Variants in JAKMIP1 observed in about 807,000 individuals in gnomAD.
The protein encoded by JAKMIP1 is janus kinase and microtubule interacting protein 1.
JAKMIP1 carries 33 observed loss-of-function variants against 113.0 expected under a neutral mutation model. The observed-to-expected ratio is 0.29, with a 90% CI of 0.22 to 0.39. The LOEUF (loss-of-function observed/expected upper bound fraction) is 0.39, where lower values mean the gene tolerates loss of function less well. Ranked by LOEUF, JAKMIP1 falls within the 10% of genes least tolerant of loss-of-function variation. The pLI is 1.00. For missense variants in JAKMIP1, 813 were observed against 1,080.5 expected (o/e 0.75, Z 3.47); for synonymous variants, 480 against 459.9 (o/e 1.04, Z -0.56).
rs115028628 is a variant in JAKMIP1 at position 6,040,513 on chromosome 4, T to C, written c.2175+126A>G. ...GGTCATTCCAGTCACAAGGTGGAGA[T>C]GGCATTTTTATCACTCCTGTTTGGC... On this transcript the variant is annotated intron_variant, in intron 18 of 20. Transcript: ENST00000409021. This position sits in a 1 kb window ranked among gnomAD's most constrained non-coding sequence, Gnocchi z 5.8. 5 of 724,176 alleles carry C rather than the reference T, an allele frequency of 6.9e-6. No homozygotes were observed. Among genetic ancestry groups the C allele is most frequent in the African/African-American group, 1.7e-5 (1 of 57,478 alleles). 44.9% of individuals were successfully genotyped at this position (724,176 alleles called of 1,614,324 possible). A position where few individuals can be genotyped will look rare whatever the true frequency, so the allele number is the denominator to read the frequency against.
rs1450837582 is a variant in JAKMIP1, at chr4:6,194,462, AG to A, written c.-148+5790del. The stretch of plus-strand genomic sequence containing the variant: ...GAGAAGACAGGAGACAGAAGCTCCA[AG>A]GGTAAAAGATAGTGGAAAGCTACTT... On this transcript the variant is annotated intron_variant, in intron 1 of 20. Transcript: ENST00000409021. This position sits in a 1 kb window ranked among gnomAD's most constrained non-coding sequence, Gnocchi z 7.4. The A allele has an allele frequency of 6.6e-6, 1 of 152,110 alleles. No homozygotes were observed. The highest frequency in any genetic ancestry group is 1.9e-4 in the East Asian group (1 of 5,154). 9.4% of individuals were successfully genotyped at this position (152,110 alleles called of 1,614,324 possible).
chr4:6,101,927 T>C (rs964886128), intron 3 of JAKMIP1, among the ~76,000 whole-genome samples: 2 of 148,926 alleles, frequency 1.3e-5, no homozygotes, highest in Non-Finnish European at 3.0e-5. Flanking sequence ...AAAAAGAGTC[T>C]GCTGGGATTT....
chr4:6,136,089 T>C lies in JAKMIP1; in HGVS notation c.-147-23092A>G, dbSNP rs148057588. 0.011 allele frequency among the ~76,000 whole-genome samples: 1,721 copies of C among 152,084 alleles called. 31 individuals are homozygous for C. Among genetic ancestry groups the C allele is most frequent in the African/African-American group, 0.04 (1,644 of 41,458 alleles). On this transcript the variant is annotated intron_variant, in intron 1 of 20. Transcript: ENST00000409021. The surrounding 1 kb of genome is among the most constrained non-coding windows in gnomAD (Gnocchi z 5.9). ...GGTGAAACCCCATCTCTACTAAAGA[T>C]ACAAAAATTGGCCGGGCATGGTGGT... is the stretch of plus-strand genomic sequence containing the variant.
chr4:6,056,432 A>G (rs1716475562), intron 12 of JAKMIP1, among the ~76,000 whole-genome samples: 1 of 151,104 alleles, frequency 6.6e-6, no homozygotes, highest in Non-Finnish European at 1.5e-5. Flanking sequence ...CTGGGAAGAC[A>G]GGCCAGGCCT....
intron 16 of JAKMIP1, among the ~76,000 whole-genome samples, chr4:6,046,531 C>A (rs573871552): frequency 6.6e-6 from 1 of 151,848 alleles, no homozygotes; most frequent in Admixed American, 6.5e-5. Flanking sequence ...GCACAAGGCA[C>A]AGCACCAGGC....
rs1444163794 is a variant in JAKMIP1 at position 6,178,889 on chromosome 4, G to A, written c.-148+21364C>T. 1.3e-5 allele frequency among the ~76,000 whole-genome samples: 2 copies of A among 152,150 alleles called. No homozygotes were observed. The highest frequency in any genetic ancestry group is 4.8e-5 in the African/African-American group (2 of 41,440). Reference sequence around the variant, plus strand: ...GGTCCCTCCCTCTTCACATGGGATTGTTCACCAGCTGTCTCCCTGCCCCGG... The same window carrying A: ...GGTCCCTCCCTCTTCACATGGGATTATTCACCAGCTGTCTCCCTGCCCCGG... On this transcript the variant is annotated intron_variant, in intron 1 of 20. Coordinates refer to ENST00000409021, the MANE Select transcript of JAKMIP1 (RefSeq NM_001099433.2). The surrounding 1 kb of genome is among the most constrained non-coding windows in gnomAD (Gnocchi z 5.5).
chr4:6,071,845 C>T (rs1352068554), intron 8 of JAKMIP1, among the ~76,000 whole-genome samples: 2 of 152,168 alleles, frequency 1.3e-5, no homozygotes, highest in East Asian at 1.9e-4. Flanking sequence ...CCACATCTTC[C>T]CCGAGTCCTT....
intron 7 of JAKMIP1, among the ~76,000 whole-genome samples, chr4:6,079,475 C>T (rs929609373): frequency 2.0e-5 from 3 of 152,136 alleles, no homozygotes; most frequent in African/African-American, 7.2e-5. Flanking sequence ...GAATTTTGAT[C>T]ACTAGCTTTT....
Position 6,061,553 on chromosome 4 carries a change from A to G in JAKMIP1, c.1560+759T>C, listed in dbSNP as rs2108784961. ...AGAAAGAGCACAGGCCCTGAGTCCGAGAAACCTGGCCTCGACTCCCAGCTC... is the reference window on the plus strand; with the variant it reads ...AGAAAGAGCACAGGCCCTGAGTCCGGGAAACCTGGCCTCGACTCCCAGCTC... On this transcript the variant is annotated intron_variant, in intron 10 of 20. Transcript: ENST00000409021. The surrounding 1 kb of genome is among the most constrained non-coding windows in gnomAD (Gnocchi z 5.3). 6.6e-6 allele frequency among the ~76,000 whole-genome samples: 1 copy of G among 152,342 alleles called. No homozygotes were observed. The highest frequency in any genetic ancestry group is 1.9e-4 in the East Asian group (1 of 5,180).
In JAKMIP1 at chr4:6,105,833, G is replaced by C; in HGVS notation, c.264C>G (p.Arg88=). The C allele has an allele frequency of 6.2e-7, 1 of 1,611,300 alleles. No homozygotes were observed. ...GCTCGTGCTGCCGGATGAGCCCCTCGCGCAGCGCCTGCAGCTCCTTGGTCT... is the reference window on the plus strand; with the variant it reads ...GCTCGTGCTGCCGGATGAGCCCCTCCCGCAGCGCCTGCAGCTCCTTGGTCT... ...EEKTKELQAL[R]EGLIRQHEQE... is the part of the protein sequence containing the mutation. Residue 88 remains arginine (R), a synonymous_variant, in exon 3 of 21, where the codon CGC becomes CGG. Transcript: ENST00000409021.
At position 6,192,078 on chromosome 4, in the gene JAKMIP1, G is replaced by A. The variant is rs1190188647; in HGVS notation, c.-148+8175C>T. Among the ~76,000 whole-genome samples the A allele has an allele frequency of 3.9e-5, 6 of 152,036 alleles. No individual in the cohort carries two copies. The highest frequency in any genetic ancestry group is 1.9e-4 in the East Asian group (1 of 5,176). On this transcript the variant is annotated intron_variant, in intron 1 of 20. Transcript: ENST00000409021. The surrounding 1 kb of genome is among the most constrained non-coding windows in gnomAD (Gnocchi z 5.0). The stretch of plus-strand genomic sequence containing the variant: ...CTCCCGAGTAGTTGGGATTACAGGC[G>A]TGTGCCACCATGCCCAGCTAATTTT...
intron 19 of JAKMIP1, among the ~76,000 whole-genome samples, chr4:6,033,913 C>T (rs1002396166): frequency 2.0e-5 from 3 of 152,156 alleles, no homozygotes; most frequent in Non-Finnish European, 2.9e-5. Flanking sequence ...GGGGATCATG[C>T]AGTGTGGAGA....
At chr4:6,029,441 G>C (rs2108741169) in intron 20 of JAKMIP1, among the ~76,000 whole-genome samples, 1 of 152,328 alleles carries the variant, frequency 6.6e-6, no homozygotes, top group East Asian at 1.9e-4. Flanking sequence ...TGAGACAGCA[G>C]GGGAGGGATT....
chr4:6,048,696 T>C (rs1715289884), intron 16 of JAKMIP1, among the ~76,000 whole-genome samples, 161 bp downstream of exon 16: 1 of 152,242 alleles, frequency 6.6e-6, no homozygotes. Context: ...CATGTGGGAC[T>C]TCCGTCATGA....
chr4:6,039,301 G>T (rs1045535734), intron 18 of JAKMIP1, among the ~76,000 whole-genome samples: 2 of 152,110 alleles, frequency 1.3e-5, no homozygotes, highest in Admixed American at 1.3e-4. Flanking sequence ...CTTGAAAAAA[G>T]GTCCAGTGAT....
intron 19 of JAKMIP1, among the ~76,000 whole-genome samples, chr4:6,033,212 C>T (rs537787859): frequency 6.6e-6 from 1 of 152,336 alleles, no homozygotes; most frequent in South Asian, 2.1e-4. Context: ...GACATCACTG[C>T]ACCCTGTGGG....
chr4:6,133,009 A>G (rs968974150), intron 1 of JAKMIP1, among the ~76,000 whole-genome samples: 2 of 152,182 alleles, frequency 1.3e-5, no homozygotes, highest in Non-Finnish European at 2.9e-5. Flanking sequence ...AACTACAACC[A>G]AAAAAGCAAG....
rs10567052 is a variant in JAKMIP1, at chr4:6,150,179, C to CAG, written c.-147-37184_-147-37183dup. ...CACAGCACAGAACATTCTCCTCCAT[C>CAG]AGAGAGAGAGAGAGAGAGAAGAAAG... is the stretch of plus-strand genomic sequence containing the variant. On this transcript the variant is annotated intron_variant, in intron 1 of 20. Coordinates refer to ENST00000409021, the MANE Select transcript of JAKMIP1 (RefSeq NM_001099433.2). This position sits in a 1 kb window ranked among gnomAD's most constrained non-coding sequence, Gnocchi z 4.8. The CAG allele has an allele frequency of 3.7e-3, 554 of 150,834 alleles. 1 individual carries two copies. Among genetic ancestry groups the CAG allele is most frequent in the Middle Eastern group, 3.5e-3 (1 of 284 alleles). The allele number at this position is 150,834 out of a possible 1,614,324, so 9.3% of individuals were successfully genotyped here.
In JAKMIP1 at chr4:6,116,511, G is replaced by C. The variant is rs1444812202; in HGVS notation, c.-147-3514C>G. Among the ~76,000 whole-genome samples the C allele has an allele frequency of 6.6e-6, 1 of 152,188 alleles. No homozygotes were observed. The highest frequency in any genetic ancestry group is 1.5e-5 in the Non-Finnish European group (1 of 68,030). ...CTGAAGGCACGGGGACCTTGGACCT[G>C]CTGACCCTGGACCTTGTCTGGCATA... On this transcript the variant is annotated intron_variant, in intron 1 of 20. Coordinates refer to ENST00000409021, the MANE Select transcript of JAKMIP1 (RefSeq NM_001099433.2). This position sits in a 1 kb window ranked among gnomAD's most constrained non-coding sequence, Gnocchi z 5.1.
Sources: gnomAD v4.1 joint callset for allele counts (sites outside exome capture counted in the v4.1 genomes callset) on GRCh38, gnomAD v4.1.1 for gene constraint, Gnocchi (gnomAD v3.1) non-coding constraint, MANE v1.5 for transcripts, NCBI Gene and HGNC (gene_info 2026-07-23, HGNC 2026-07-21) for gene names.